The following SAMD12 variants were observed in gnomAD, a reference collection of about 807,000 sequenced individuals.
SAMD12 encodes sterile alpha motif domain-containing protein 12.
A neutral mutation model predicts 15.0 loss-of-function variants in SAMD12; 9 were observed. The ratio of observed to expected loss-of-function variants is 0.60; its 90% CI spans 0.36 to 1.05. The LOEUF (loss-of-function observed/expected upper bound fraction) is 1.05. Ranked by LOEUF, SAMD12 falls within the 50% of genes least tolerant of loss-of-function variation. The pLI, the probability that SAMD12 is intolerant of heterozygous loss-of-function variation, is 0.01. For missense variants in SAMD12, 230 were observed against 234.2 expected, an observed-to-expected ratio of 0.98 and a Z score of 0.12; for synonymous variants, 86 against 90.1, an observed-to-expected ratio of 0.96 and a Z score of 0.25.
intron 3 of SAMD12, among the ~76,000 whole-genome samples, chr8:118,387,454 CCTCCTA>C (rs2130740372): frequency 8.2e-6 from 1 of 122,140 alleles, no homozygotes; most frequent in South Asian, 2.9e-4. Flanking sequence ...TCTTCCTCCT[CCTCCTA>C]CTCCCCTCCT....
intron 1 of SAMD12, among the ~76,000 whole-genome samples, chr8:118,617,900 A>C (rs1357437051): frequency 6.6e-6 from 1 of 152,180 alleles, no homozygotes; most frequent in Non-Finnish European, 1.5e-5. Flanking sequence ...GTTAGAAAAC[A>C]TCAATAGGTT....
intron 2 of SAMD12, among the ~76,000 whole-genome samples, chr8:118,444,970 A>C (rs1822867923): frequency 6.6e-6 from 1 of 152,218 alleles, no homozygotes. Flanking sequence ...TGGCAGGGCA[A>C]AGTGAGCTTT....
intron 4 of SAMD12, among the ~76,000 whole-genome samples, chr8:118,363,566 C>A (rs532056848): frequency 6.6e-6 from 1 of 152,124 alleles, no homozygotes; most frequent in Non-Finnish European, 1.5e-5. Context: ...GAAACTCACA[C>A]CATCTGCTCT....
chr8:118,142,992 A>G, the SAMD12 span, among the ~76,000 whole-genome samples: 3 of 152,232 alleles, frequency 2.0e-5, no homozygotes, highest in South Asian at 6.2e-4. Flanking sequence ...GAAACACATC[A>G]AGGAAGTATG....
At chr8:118,249,104 A>G (rs1812762627) in intron 4 of SAMD12, among the ~76,000 whole-genome samples, 1 of 152,136 alleles carries the variant, frequency 6.6e-6, no homozygotes, top group African/African-American at 2.4e-5. Flanking sequence ...GATTACTTAT[A>G]ATATCTAATA....
chr8:118,299,899 A>T (rs1485647064), intron 4 of SAMD12, among the ~76,000 whole-genome samples: 1 of 152,130 alleles, frequency 6.6e-6, no homozygotes, highest in African/African-American at 2.4e-5. Flanking sequence ...TTACATCATA[A>T]AAGTTTCCTC....
At chr8:118,147,423 C>T in the SAMD12 span, among the ~76,000 whole-genome samples, 3 of 150,930 alleles carry the variant, frequency 2.0e-5, no homozygotes, top group African/African-American at 7.3e-5. Context: ...TGCAATGGCG[C>T]AATCTTGGCT....
At chr8:118,588,281 A>C (rs1216241280) in intron 1 of SAMD12, among the ~76,000 whole-genome samples, 1 of 152,190 alleles carries the variant, frequency 6.6e-6, no homozygotes, top group African/African-American at 2.4e-5. Context: ...TCTCAGGAAC[A>C]CAGGCTTGGT....
intron 4 of SAMD12, among the ~76,000 whole-genome samples, chr8:118,207,693 C>G (rs1239939191): frequency 6.6e-6 from 1 of 152,116 alleles, no homozygotes; most frequent in African/African-American, 2.4e-5. Flanking sequence ...TTCCTTTCTT[C>G]TTCTTCTTCT....
intron 4 of SAMD12, among the ~76,000 whole-genome samples, chr8:118,265,994 G>A (rs1334650417): frequency 6.6e-6 from 1 of 152,084 alleles, no homozygotes; most frequent in Non-Finnish European, 1.5e-5. Flanking sequence ...AATTTATAAA[G>A]AAAAGAGGTT....
At position 118,301,164 on chromosome 8, in the gene SAMD12, GAGAA is replaced by G. The variant is rs571654263; in HGVS notation, c.433+78392_433+78395del. On this transcript the variant is annotated intron_variant, in intron 4 of 4. Transcript: ENST00000409003. ...ACAAAAACTATATAAAAACCTTAAG[GAGAA>G]AGAAAAACTTTTTGAAAATGCAAAG... Among the ~76,000 whole-genome samples, 771 of 152,210 alleles carry G rather than the reference GAGAA, an allele frequency of 5.1e-3. 5 individuals are homozygous for G. Among genetic ancestry groups the G allele is most frequent in the African/African-American group, 0.018 (735 of 41,528 alleles).
chr8:118,589,774 T>C (rs1827535018), intron 1 of SAMD12, among the ~76,000 whole-genome samples: 1 of 152,240 alleles, frequency 6.6e-6, no homozygotes, highest in South Asian at 2.1e-4. Flanking sequence ...TGACCAATCA[T>C]CTTTATGTAT....
intron 1 of SAMD12, among the ~76,000 whole-genome samples, chr8:118,587,197 G>C (rs1185036135): frequency 6.6e-6 from 1 of 152,166 alleles, no homozygotes; most frequent in Non-Finnish European, 1.5e-5. Context: ...TTTATGTCTT[G>C]CTTCTAGCTA....
intron 1 of SAMD12, among the ~76,000 whole-genome samples, chr8:118,583,960 G>A (rs1350069035): frequency 1.3e-5 from 2 of 152,134 alleles, no homozygotes; most frequent in Non-Finnish European, 2.9e-5. Flanking sequence ...TGGCACATAA[G>A]AGACATTAAG....
chr8:118,227,544 G>T (rs1468359137), intron 4 of SAMD12, among the ~76,000 whole-genome samples: 1 of 152,086 alleles, frequency 6.6e-6, no homozygotes, highest in Non-Finnish European at 1.5e-5. Flanking sequence ...GATGACATGG[G>T]TTTTCTTACT....
At chr8:118,600,411 G>A (rs1414375634) in intron 1 of SAMD12, among the ~76,000 whole-genome samples, 1 of 152,144 alleles carries the variant, frequency 6.6e-6, no homozygotes, top group African/African-American at 2.4e-5. Flanking sequence ...TCAGGGGTTG[G>A]CAAACTTTTT....
intron 2 of SAMD12, among the ~76,000 whole-genome samples, chr8:118,571,037 T>C (rs998496247): frequency 6.6e-6 from 1 of 152,148 alleles, no homozygotes; most frequent in South Asian, 2.1e-4. Flanking sequence ...GCCTCTTTCT[T>C]TTATAAATTG....
the SAMD12 span, among the ~76,000 whole-genome samples, chr8:118,160,676 A>G: frequency 6.6e-6 from 1 of 152,264 alleles, no homozygotes; most frequent in Non-Finnish European, 1.5e-5. Flanking sequence ...CATATACAAA[A>G]GTTGAGTGAA....
intron 2 of SAMD12, among the ~76,000 whole-genome samples, chr8:118,476,681 A>G (rs939589358): frequency 2.0e-5 from 3 of 152,196 alleles, no homozygotes; most frequent in Non-Finnish European, 4.4e-5. Flanking sequence ...TCTCAATTCA[A>G]CAAATTTGAA....
Sources: gnomAD v4.1 joint callset for allele counts (sites outside exome capture counted in the v4.1 genomes callset) on GRCh38, gnomAD v4.1.1 for gene constraint, MANE v1.5 for transcripts, NCBI Gene and HGNC (gene_info 2026-07-23, HGNC 2026-07-21) for gene names.